Variants in NECTIN3 observed in about 807,000 individuals in gnomAD.
NECTIN3 encodes nectin-3.
Under a neutral mutation model 49.4 loss-of-function variants are expected in NECTIN3, and 8 were observed. The observed-to-expected ratio is 0.16, with a 90% CI of 0.10 to 0.29. The LOEUF is 0.29. Ranked by LOEUF, NECTIN3 falls within the 10% of genes least tolerant of loss-of-function variation. NECTIN3 has a pLI of 1.00. For missense variants in NECTIN3, 581 were observed against 654.6 expected (o/e 0.89, Z 1.23); for synonymous variants, 277 against 241.1 (o/e 1.15, Z -1.38).
intron 1 of NECTIN3, chr3:111,074,183 T>G (rs1362687028): frequency 4.4e-6 from 2 of 453,824 alleles, no homozygotes; most frequent in Non-Finnish European, 8.9e-6. Context: ...TGGAATTAAG[T>G]CTTTGAATAG....
chr3:111,107,065 A>G (rs1175559819), intron 1 of NECTIN3, among the ~76,000 whole-genome samples: 1 of 152,154 alleles, frequency 6.6e-6, no homozygotes, highest in Non-Finnish European at 1.5e-5. Flanking sequence ...AATTTTATTC[A>G]TATTTTAATT....
At chr3:111,104,416 G>T (rs1474502578) in intron 1 of NECTIN3, among the ~76,000 whole-genome samples, 1 of 150,412 alleles carries the variant, frequency 6.6e-6, no homozygotes, top group African/African-American at 2.5e-5. Context: ...GACCTTCTAG[G>T]CTCAAGCGAT....
intron 1 of NECTIN3, among the ~76,000 whole-genome samples, chr3:111,108,773 C>T (rs925556779): frequency 2.6e-5 from 4 of 152,058 alleles, no homozygotes; most frequent in Non-Finnish European, 2.9e-5. Context: ...ACAGCCAGAT[C>T]TCCTCTCCTG....
chr3:111,154,598 A>G (rs1350338006), intron 7 of NECTIN3, among the ~76,000 whole-genome samples: 1 of 152,154 alleles, frequency 6.6e-6, no homozygotes. Flanking sequence ...AAATGGTTTT[A>G]CCATTTATGT....
chr3:111,177,989 A>G lies in NECTIN3; in HGVS notation c.1222-14362A>G, dbSNP rs114840264. 8.4e-3 allele frequency among the ~76,000 whole-genome samples: 1,279 copies of G among 152,334 alleles called. 16 individuals are homozygous for G. Among genetic ancestry groups the G allele is most frequent in the Non-Finnish European group, 0.015 (1,016 of 68,026 alleles). The stretch of plus-strand genomic sequence containing the variant: ...AAGTATCACTTTCTTGTGTATTTTA[A>G]TATGAGAATTAAGCAAGACCATAAA... On this transcript the variant is annotated intron_variant, in intron 7 of 8. Transcript: ENST00000493615.
rs961452557 is a variant in NECTIN3, at chr3:111,071,876, G to A, written c.-142G>A. ...GGCAGCCGCCAGCGTTCGGCCAAGT[G>A]TCAGCCGGCAGCGACGGCGCTAGAG... is the stretch of plus-strand genomic sequence containing the variant. On this transcript the variant is annotated 5_prime_UTR_variant, in exon 1 of 6. Transcript: ENST00000485303. The A allele has an allele frequency of 2.4e-5, 12 of 490,306 alleles. No homozygotes were observed. The highest frequency in any genetic ancestry group is 1.8e-4 in the African/African-American group (9 of 49,302). The allele number at this position is 490,306 out of a possible 1,614,324, so 30.4% of individuals were successfully genotyped here.
intron 1 of NECTIN3, among the ~76,000 whole-genome samples, chr3:111,088,089 G>A (rs969454399): frequency 1.4e-4 from 22 of 152,084 alleles, no homozygotes; most frequent in African/African-American, 4.1e-4. Flanking sequence ...CAGGGTTGGA[G>A]GTGGGGTCTG....
chr3:111,137,848 C>T (rs903828047), downstream of NECTIN3, among the ~76,000 whole-genome samples: 1 of 137,004 alleles, frequency 7.3e-6, no homozygotes, highest in Admixed American at 7.8e-5. Flanking sequence ...AGGTTTGTTA[C>T]ACAGGTAATG....
chr3:111,140,537 TATGA>T (rs2034716438), downstream of NECTIN3, among the ~76,000 whole-genome samples: 1 of 151,904 alleles, frequency 6.6e-6, no homozygotes, highest in Non-Finnish European at 1.5e-5. Flanking sequence ...GGAATGATAC[TATGA>T]ATAAACTCTT....
intron 1 of NECTIN3, among the ~76,000 whole-genome samples, chr3:111,096,535 C>G (rs2032593231): frequency 1.3e-5 from 2 of 152,210 alleles, no homozygotes; most frequent in Admixed American, 6.5e-5. Flanking sequence ...CATGCCATGT[C>G]AGAGACCTCT....
chr3:111,190,110 G>A (rs1485625422), upstream of NECTIN3, among the ~76,000 whole-genome samples: 1 of 152,198 alleles, frequency 6.6e-6, no homozygotes, highest in Non-Finnish European at 1.5e-5. Flanking sequence ...AAATTATTAA[G>A]AAATCTTAGA....
chr3:111,172,864 A>G (rs2035459436), intron 7 of NECTIN3, among the ~76,000 whole-genome samples: 1 of 152,194 alleles, frequency 6.6e-6, no homozygotes, highest in Admixed American at 6.5e-5. Context: ...TATATTATCC[A>G]GTTTCCTCAG....
intron 5 of NECTIN3, among the ~76,000 whole-genome samples, chr3:111,131,712 G>A (rs992232133): frequency 1.3e-5 from 2 of 151,764 alleles, no homozygotes; most frequent in African/African-American, 4.8e-5. Context: ...AAAGAAATTT[G>A]CAAATAGAAG....
chr3:111,112,039 C>G lies in NECTIN3; in HGVS notation c.170C>G (p.Ala57Gly). Residue 57 changes from alanine (A) to glycine (G), a missense_variant, in exon 2 of 6, where the codon GCT becomes GGT. Physicochemically the swap from Ala to Gly is moderately conservative, Grantham distance 60 (BLOSUM62 0). This residue lies in a region of NECTIN3 where 109 missense variants were observed against 69.1 expected (regional missense o/e 1.58). Coordinates refer to ENST00000485303, the MANE Select transcript of NECTIN3 (RefSeq NM_015480.3). ...TTTTTTTCCTCCATAGGTGCCTTAG[C>G]TGGACCAATTATTGTGGAGCCACAT... is the stretch of plus-strand genomic sequence containing the variant. ...LLFSRLCGAL[A>G]GPIIVEPHVT... is the part of the protein sequence containing the mutation. The G allele has an allele frequency of 2.5e-6, 4 of 1,606,280 alleles. No homozygotes were observed. Among genetic ancestry groups the G allele is most frequent in the Non-Finnish European group, 3.4e-6 (4 of 1,175,434 alleles).
intron 1 of NECTIN3, among the ~76,000 whole-genome samples, chr3:111,091,400 G>A (rs1283530459): frequency 6.6e-6 from 1 of 151,922 alleles, no homozygotes; most frequent in African/African-American, 2.4e-5. Flanking sequence ...GACTACAGGC[G>A]CCCACTATGC....
chr3:111,147,454 C>T (rs1321770140), exon 7 of NECTIN3: 1 of 1,531,880 alleles, frequency 6.5e-7, no homozygotes, highest in African/African-American at 1.4e-5. Context: ...AAGAACGATC[C>T]CCACCTTTGC....
At chr3:111,144,826 T>C in intron 5 of NECTIN3, 1 of 1,444,622 alleles carries the variant, frequency 6.9e-7, no homozygotes, top group Non-Finnish European at 9.3e-7. Context: ...GTTTGCACAT[T>C]GTAGAAAAGG....
At chr3:111,103,064 T>G (rs1054878683) in intron 1 of NECTIN3, among the ~76,000 whole-genome samples, 9 of 152,252 alleles carry the variant, frequency 5.9e-5, no homozygotes, top group Non-Finnish European at 1.2e-4. Flanking sequence ...TTATGTTAAG[T>G]CTTGAAGTCA....
intron 3 of NECTIN3, among the ~76,000 whole-genome samples, 190 bp downstream of exon 3, chr3:111,119,142 G>T (rs949842727): frequency 3.3e-5 from 5 of 152,114 alleles, no homozygotes; most frequent in East Asian, 1.9e-4. Flanking sequence ...CTTTAAAGTT[G>T]CTCTCCAACT....
Sources: gnomAD v4.1 joint callset for allele counts (sites outside exome capture counted in the v4.1 genomes callset) on GRCh38, gnomAD v4.1.1 for gene constraint, gnomAD v4.1.1 regional missense constraint, MANE v1.5 for transcripts, NCBI Gene and HGNC (gene_info 2026-07-23, HGNC 2026-07-21) for gene names.